Variants in ANK3 observed in about 807,000 individuals in gnomAD.
The protein encoded by ANK3 is ankyrin-3.
In ANK3, 57 loss-of-function variants were observed where a neutral mutation model predicts 370.9. The observed-to-expected ratio is 0.15, with a 90% confidence interval of 0.12 to 0.19. The LOEUF is 0.19. ANK3 is among the 10% of genes least tolerant of loss of function. ANK3 has a pLI of 1.00. For synonymous variants in ANK3, 1,929 were observed against 1,946.3 expected (o/e 0.99, Z 0.23); for missense variants, 4,439 against 5,302.1 (o/e 0.84, Z 5.06).
chr10:60,090,267 G>A (rs377305066), intron 28 of ANK3, among the ~76,000 whole-genome samples: 27 of 151,828 alleles, frequency 1.8e-4, no homozygotes, highest in African/African-American at 6.1e-4. Flanking sequence ...GCAGTGAGCC[G>A]AGATCACGCC....
At chr10:60,304,792 G>A (rs999815198) in intron 1 of ANK3, among the ~76,000 whole-genome samples, 1 of 152,098 alleles carries the variant, frequency 6.6e-6, no homozygotes, top group Non-Finnish European at 1.5e-5. Flanking sequence ...CCAGTTACAG[G>A]TTGTTCATTA....
chr10:60,226,470 GTATA>G (rs1384642670), intron 8 of ANK3, among the ~76,000 whole-genome samples: 1 of 91,182 alleles, frequency 1.1e-5, no homozygotes, highest in Non-Finnish European at 1.8e-5. Flanking sequence ...TATATACATA[GTATA>G]TATACTATAT....
intron 7 of ANK3, among the ~76,000 whole-genome samples, chr10:60,252,901 G>C (rs1056458690): frequency 2.0e-5 from 3 of 152,222 alleles, no homozygotes; most frequent in Non-Finnish European, 4.4e-5. Context: ...GATGCAAGCA[G>C]TGACAACCAT....
At chr10:60,578,140 T>G (rs2077705471) in intron 2 of ANK3, among the ~76,000 whole-genome samples, 1 of 152,214 alleles carries the variant, frequency 6.6e-6, no homozygotes. Flanking sequence ...TTTTCCTGTT[T>G]TGTTCCGAGT....
intron 7 of ANK3, among the ~76,000 whole-genome samples, chr10:60,237,927 T>C (rs973638734): frequency 1.2e-4 from 19 of 152,186 alleles, no homozygotes; most frequent in African/African-American, 4.6e-4. Context: ...AAGAAACAGC[T>C]AATCAGAGGC....
intron 2 of ANK3, among the ~76,000 whole-genome samples, chr10:60,432,789 T>G (rs1336490167): frequency 6.6e-6 from 1 of 152,148 alleles, no homozygotes; most frequent in Admixed American, 6.5e-5. Context: ...CTTGCAGTAA[T>G]GAGGAGAGCA....
At chr10:60,505,127 A>C (rs1295995273) in intron 2 of ANK3, among the ~76,000 whole-genome samples, 1 of 152,142 alleles carries the variant, frequency 6.6e-6, no homozygotes, top group Non-Finnish European at 1.5e-5. Context: ...GCAATATGGC[A>C]AAGTGTTGAA....
intron 1 of ANK3, among the ~76,000 whole-genome samples, chr10:60,288,351 G>C (rs1156602270): frequency 2.6e-5 from 4 of 152,170 alleles, no homozygotes; most frequent in Non-Finnish European, 5.9e-5. Context: ...TACAGAGATG[G>C]ATGATAATCT....
chr10:60,027,156 A>ACAT lies in ANK3; in HGVS notation c.*2687_*2689dup, dbSNP rs1469351214. 6.6e-6 allele frequency: 1 copy of ACAT among 152,164 alleles called. No homozygotes were observed. Among genetic ancestry groups the ACAT allele is most frequent in the African/African-American group, 2.4e-5 (1 of 41,442 alleles). 9.4% of individuals were successfully genotyped at this position (152,164 alleles called of 1,614,324 possible). On this transcript the variant is annotated 3_prime_UTR_variant, in exon 44 of 44. Transcript: ENST00000280772. ...AACTATTTAATACCTAAACAGGTAT[A>ACAT]CATCATTGAGTTTCTGGTTCAGGAT...
chr10:60,041,582 C>A (rs756629343), intron 43 of ANK3, among the ~76,000 whole-genome samples: 1 of 152,132 alleles, frequency 6.6e-6, no homozygotes, highest in Non-Finnish European at 1.5e-5. Context: ...CTGAAGAGCA[C>A]GCATGAAACA....
chr10:60,511,305 A>T (rs1335721807), intron 2 of ANK3, among the ~76,000 whole-genome samples: 1 of 152,154 alleles, frequency 6.6e-6, no homozygotes, highest in Non-Finnish European at 1.5e-5. Context: ...ACTTACTATG[A>T]CTTTAACTTT....
intron 8 of ANK3, among the ~76,000 whole-genome samples, chr10:60,226,479 CTA>C (rs1188388624): frequency 1.0e-3 from 81 of 79,162 alleles, no homozygotes; most frequent in African/African-American, 4.6e-3. Context: ...AGTATATATA[CTA>C]TATATATACA....
At chr10:60,446,950 T>A (rs548817918) in intron 2 of ANK3, among the ~76,000 whole-genome samples, 1 of 152,200 alleles carries the variant, frequency 6.6e-6, no homozygotes, top group Non-Finnish European at 1.5e-5. Context: ...GGGTCTTGTA[T>A]GTAAGAAGTA....
intron 1 of ANK3, among the ~76,000 whole-genome samples, chr10:60,697,718 T>C (rs1357545647): frequency 6.6e-6 from 1 of 152,036 alleles, no homozygotes; most frequent in African/African-American, 2.4e-5. Context: ...AAGCTGAAAC[T>C]GGATCCCTTC....
At chr10:60,482,236 C>T (rs1411856685) in intron 2 of ANK3, among the ~76,000 whole-genome samples, 1 of 152,140 alleles carries the variant, frequency 6.6e-6, no homozygotes, top group Non-Finnish European at 1.5e-5. Context: ...GGCATTGGAC[C>T]TGAAGCATCT....
intron 7 of ANK3, 123 bp downstream of exon 7, chr10:60,261,736 C>A: frequency 1.3e-6 from 1 of 743,844 alleles, no homozygotes; most frequent in East Asian, 2.6e-5. Context: ...GAGTAGAAAT[C>A]ATAGCCTTCA....
At chr10:60,287,768 A>G (rs1460944808) in intron 1 of ANK3, among the ~76,000 whole-genome samples, 1 of 152,132 alleles carries the variant, frequency 6.6e-6, no homozygotes, top group Non-Finnish European at 1.5e-5. Context: ...CCTCAACACC[A>G]GGGGTTTTCC....
intron 1 of ANK3, among the ~76,000 whole-genome samples, chr10:60,625,494 G>A (rs911070198): frequency 1.3e-5 from 2 of 152,088 alleles, no homozygotes; most frequent in East Asian, 1.9e-4. Context: ...CACAAATGAC[G>A]CAAAGAGCTT....
rs1390631109 is a variant in ANK3 at position 60,694,864 on chromosome 10, A to T, written c.57+38399T>A. ...CTAACGAGCAAAATAACCAGCTAAC[A>T]TCATAATGACAGGATCAAATTCACA... On this transcript the variant is annotated intron_variant, in intron 1 of 43. Transcript: ENST00000373827. 5.3e-5 allele frequency among the ~76,000 whole-genome samples: 8 copies of T among 149,708 alleles called. No homozygotes were observed. In the Admixed American group the frequency reaches 5.3e-4, roughly 10 times the overall value.
Sources: gnomAD v4.1 joint callset for allele counts (sites outside exome capture counted in the v4.1 genomes callset) on GRCh38, gnomAD v4.1.1 for gene constraint, MANE v1.5 for transcripts, NCBI Gene and HGNC (gene_info 2026-07-23, HGNC 2026-07-21) for gene names.